NLGN1: variants seen among roughly 807,000 people sequenced by gnomAD.
NLGN1 encodes neuroligin-1.
In NLGN1, 12 loss-of-function variants were observed where a neutral mutation model predicts 65.5. That is an observed-to-expected ratio of 0.18 (90% CI 0.12 to 0.30). The LOEUF is 0.30. Ranked by LOEUF, NLGN1 falls within the 10% of genes least tolerant of loss-of-function variation. The pLI, the probability that NLGN1 is intolerant of heterozygous loss-of-function variation, is 1.00. For missense variants in NLGN1, 750 were observed against 1,007.1 expected (o/e 0.74, Z 3.46); for synonymous variants, 350 against 359.5 (o/e 0.97, Z 0.30).
intron 4 of NLGN1, among the ~76,000 whole-genome samples, chr3:173,836,930 T>C (rs1483195773): frequency 6.6e-6 from 1 of 152,204 alleles, no homozygotes; most frequent in Non-Finnish European, 1.5e-5. Flanking sequence ...ATGTAATTGC[T>C]TCCTAAATTG....
At chr3:174,005,950 A>G (rs1724283882) in intron 4 of NLGN1, among the ~76,000 whole-genome samples, 1 of 152,110 alleles carries the variant, frequency 6.6e-6, no homozygotes, top group Admixed American at 6.6e-5. Context: ...ATTTTCTACT[A>G]TATTTAAGAC....
chr3:173,510,141 C>T (rs1331686181), intron 2 of NLGN1, among the ~76,000 whole-genome samples: 2 of 152,200 alleles, frequency 1.3e-5, no homozygotes, highest in African/African-American at 4.8e-5. Context: ...AATTTTGGAA[C>T]TCCACATAAC....
At chr3:174,047,704 GT>G (rs895908712) in intron 4 of NLGN1, among the ~76,000 whole-genome samples, 17 of 151,716 alleles carry the variant, frequency 1.1e-4, no homozygotes, top group Admixed American at 1.1e-3. Context: ...GACATGATGT[GT>G]TAGAAGTCTA....
At chr3:173,572,180 G>A (rs571769501) in intron 2 of NLGN1, among the ~76,000 whole-genome samples, 48 of 152,318 alleles carry the variant, frequency 3.2e-4, no homozygotes, top group African/African-American at 1.1e-3. Flanking sequence ...GCTGCATGTA[G>A]TGATAATTTG....
intron 2 of NLGN1, among the ~76,000 whole-genome samples, chr3:173,446,182 A>G (rs1323517982): frequency 6.6e-6 from 1 of 151,632 alleles, no homozygotes. Flanking sequence ...GTCATTTAGC[A>G]TTAGGTATAT....
chr3:174,076,720 A>AGTGTGT (rs1304122173), intron 4 of NLGN1, among the ~76,000 whole-genome samples: 7 of 114,830 alleles, frequency 6.1e-5, no homozygotes, highest in Non-Finnish European at 1.1e-4. Flanking sequence ...AGAGAGAGAG[A>AGTGTGT]GAGAGTGTGT....
chr3:174,269,877 G>C (rs1328518782), intron 4 of NLGN1, among the ~76,000 whole-genome samples: 1 of 151,670 alleles, frequency 6.6e-6, no homozygotes, highest in Non-Finnish European at 1.5e-5. Flanking sequence ...GGGTGTGAGG[G>C]GATATCACAG....
intron 2 of NLGN1, among the ~76,000 whole-genome samples, chr3:173,521,445 A>G (rs1378344845): frequency 6.6e-6 from 1 of 152,222 alleles, no homozygotes; most frequent in African/African-American, 2.4e-5. Flanking sequence ...TAGACAATAT[A>G]TGCCTAAAAG....
chr3:174,282,909 TC>T (rs969948468), exon 7 of NLGN1: 1 of 151,986 alleles, frequency 6.6e-6, no homozygotes, highest in Non-Finnish European at 1.5e-5. Flanking sequence ...CAGAAACCTT[TC>T]TTTTCAGTTA....
intron 2 of NLGN1, among the ~76,000 whole-genome samples, chr3:173,498,359 C>A (rs913977726): frequency 6.6e-6 from 1 of 151,748 alleles, no homozygotes; most frequent in African/African-American, 2.4e-5. Flanking sequence ...CCAGCTTCAT[C>A]CATGTCCCTA....
intron 2 of NLGN1, among the ~76,000 whole-genome samples, chr3:173,564,923 C>G (rs1364887366): frequency 1.3e-5 from 2 of 152,118 alleles, no homozygotes; most frequent in Non-Finnish European, 2.9e-5. Flanking sequence ...TATTAACCAC[C>G]TCTATTTGCT....
chr3:174,120,681 A>C (rs1032835187), intron 4 of NLGN1, among the ~76,000 whole-genome samples: 1 of 152,180 alleles, frequency 6.6e-6, no homozygotes, highest in East Asian at 1.9e-4. Flanking sequence ...TCTCACAACA[A>C]GATATGACGT....
intron 3 of NLGN1, among the ~76,000 whole-genome samples, chr3:173,743,947 T>G (rs1775004903): frequency 6.6e-6 from 1 of 152,278 alleles, no homozygotes; most frequent in Non-Finnish European, 1.5e-5. Context: ...GAACACTACA[T>G]ATCACAACTT....
chr3:173,765,171 G>T (rs937518303), intron 3 of NLGN1, among the ~76,000 whole-genome samples: 1 of 151,554 alleles, frequency 6.6e-6, no homozygotes, highest in African/African-American at 2.4e-5. Context: ...GCTCACAGAA[G>T]TATTTCTGGT....
At chr3:173,931,791 A>G (rs993741960) in intron 4 of NLGN1, among the ~76,000 whole-genome samples, 1 of 152,130 alleles carries the variant, frequency 6.6e-6, no homozygotes, top group African/African-American at 2.4e-5. Flanking sequence ...GTGTGGAGTT[A>G]GGTGACCAGT....
chr3:174,141,826 G>T (rs1722338319), intron 4 of NLGN1, among the ~76,000 whole-genome samples: 1 of 152,068 alleles, frequency 6.6e-6, no homozygotes. Context: ...AATAAAACAG[G>T]ATATGATACA....
At chr3:174,061,142 T>C (rs1737321968) in intron 4 of NLGN1, among the ~76,000 whole-genome samples, 1 of 151,984 alleles carries the variant, frequency 6.6e-6, no homozygotes, top group Non-Finnish European at 1.5e-5. Context: ...TGTGCATCAT[T>C]AAAAGGTCGT....
At chr3:173,782,068 A>G (rs532502541) in intron 3 of NLGN1, among the ~76,000 whole-genome samples, 2 of 151,294 alleles carry the variant, frequency 1.3e-5, no homozygotes, top group East Asian at 1.9e-4. Context: ...CACCAAAGCA[A>G]TCCTACTGTT....
At chr3:173,663,453 C>T in intron 3 of NLGN1, among the ~76,000 whole-genome samples, 1 of 151,906 alleles carries the variant, frequency 6.6e-6, no homozygotes, top group East Asian at 1.9e-4. Context: ...AGGACAAAAA[C>T]AACTTTTCAA....
Sources: allele counts gnomAD v4.1 joint callset (sites outside exome capture counted in the v4.1 genomes callset), GRCh38; gene constraint gnomAD v4.1.1; transcripts MANE v1.5; gene names NCBI Gene and HGNC (gene_info 2026-07-23, HGNC 2026-07-21).